The following STARD13 variants were observed in gnomAD, a reference collection of about 807,000 sequenced individuals.
STARD13 encodes stAR-related lipid transfer protein 13.
A neutral mutation model predicts 106.4 loss-of-function variants in STARD13; 62 were observed. The ratio of observed to expected loss-of-function variants is 0.58; its 90% CI spans 0.48 to 0.72. The LOEUF is 0.72. Ranked by LOEUF, STARD13 falls within the 30% of genes least tolerant of loss-of-function variation. STARD13 has a pLI of 0.00. For synonymous variants in STARD13, 565 were observed against 553.0 expected (o/e 1.02, Z -0.31); for missense variants, 1,387 against 1,424.0 (o/e 0.97, Z 0.42).
the STARD13 span, among the ~76,000 whole-genome samples, chr13:33,531,797 G>A: frequency 6.6e-6 from 1 of 152,034 alleles, no homozygotes; most frequent in African/African-American, 2.4e-5. Context: ...TATTACATCT[G>A]TATCTTTTTT....
chr13:33,211,831 G>GTA (rs1555248565), intron 1 of STARD13, among the ~76,000 whole-genome samples: 6 of 93,726 alleles, frequency 6.4e-5, no homozygotes, highest in African/African-American at 1.5e-4. Flanking sequence ...GTGTGTATGT[G>GTA]TGTGTGTGTG....
At chr13:33,569,314 A>G in the STARD13 span, among the ~76,000 whole-genome samples, 1 of 148,038 alleles carries the variant, frequency 6.8e-6, no homozygotes, top group South Asian at 2.2e-4. Context: ...GTTTGGCAAT[A>G]TTGAATATGA....
the STARD13 span, chr13:33,439,830 C>A: frequency 4.4e-6 from 2 of 456,614 alleles, no homozygotes; most frequent in Admixed American, 3.9e-5. Context: ...AATCAAATGG[C>A]CTCCAGAAAT....
the STARD13 span, among the ~76,000 whole-genome samples, chr13:33,440,868 G>A: frequency 9.1e-5 from 13 of 143,054 alleles, no homozygotes; most frequent in East Asian, 8.5e-4. Context: ...CGCCCACCTC[G>A]GCCTCTCAAA....
chr13:33,129,851 T>C lies in STARD13; in HGVS notation c.826A>G (p.Lys276Glu), dbSNP rs753174389. Residue 276 changes from lysine (K) to glutamate (E), a missense_variant, in exon 5 of 14, where the codon AAG becomes GAG. Lys to Glu is a moderately conservative substitution (Grantham distance 56). Transcript: ENST00000336934. ...AGGCCACCTGTCCGCCCAGACCCCTTATGCCTCCCGTGGGCTCCCTTCCCT... is the reference window on the plus strand; with the variant it reads ...AGGCCACCTGTCCGCCCAGACCCCTCATGCCTCCCGTGGGCTCCCTTCCCT... ...LRGKGAHGRH[K>E]GSGRTGGLVI... 1 of 1,613,002 alleles carries C rather than the reference T, an allele frequency of 6.2e-7. No homozygotes were observed. Among genetic ancestry groups the C allele is most frequent in the African/African-American group, 1.3e-5 (1 of 75,052 alleles).
downstream of STARD13, among the ~76,000 whole-genome samples, chr13:33,347,807 T>A (rs747817893): frequency 6.6e-6 from 1 of 152,222 alleles, no homozygotes; most frequent in Non-Finnish European, 1.5e-5. Context: ...TGTAAAGTGA[T>A]GCGTGCTGTG....
the STARD13 span, among the ~76,000 whole-genome samples, chr13:33,625,052 C>A: frequency 1.3e-5 from 2 of 152,280 alleles, no homozygotes; most frequent in South Asian, 4.1e-4. Context: ...GCAGCAGTGG[C>A]AGTTCTTTTG....
At chr13:33,320,621 C>T (rs1051143137) in intron 1 of STARD13, among the ~76,000 whole-genome samples, 4 of 152,138 alleles carry the variant, frequency 2.6e-5, no homozygotes, top group South Asian at 2.1e-4. Flanking sequence ...AGATTATATA[C>T]CTTATGTATA....
chr13:33,237,134 A>C (rs1313119488), intron 1 of STARD13, among the ~76,000 whole-genome samples: 1 of 152,146 alleles, frequency 6.6e-6, no homozygotes, highest in East Asian at 1.9e-4. Flanking sequence ...CAAGGAATTC[A>C]GCTTTCTCCT....
At chr13:33,632,474 T>C in the STARD13 span, among the ~76,000 whole-genome samples, 1 of 152,224 alleles carries the variant, frequency 6.6e-6, no homozygotes, top group African/African-American at 2.4e-5. Flanking sequence ...CTTTCCACTA[T>C]GTCTATATTG....
the STARD13 span, among the ~76,000 whole-genome samples, chr13:33,642,862 C>T: frequency 6.6e-6 from 1 of 151,222 alleles, no homozygotes; most frequent in Non-Finnish European, 1.5e-5. Context: ...AAAAAAACCT[C>T]CCTACTTGCT....
At chr13:33,539,228 T>C in the STARD13 span, among the ~76,000 whole-genome samples, 1 of 152,238 alleles carries the variant, frequency 6.6e-6, no homozygotes, top group Non-Finnish European at 1.5e-5. Context: ...GTGCAATACC[T>C]GTATGCTGAA....
Position 33,129,314 on chromosome 13 carries a change from G to T in STARD13, c.1363C>A (p.Arg455=). The change falls in exon 5 of 14, where the codon CGA becomes AGA. Residue 455 remains arginine, a synonymous_variant. Coordinates refer to ENST00000336934, the MANE Select transcript of STARD13 (RefSeq NM_178006.4). ...RLMASCHRAS[R]VSIYDNVPGS... is the part of the protein sequence containing the mutation. ...GGGACATTGTCATAGATACTGACTC[G>T]GCTGGCTCTGTGGCAGGACGCCATG... The T allele has an allele frequency of 2.5e-6, 4 of 1,614,116 alleles. No individual in the cohort carries two copies. Among genetic ancestry groups the T allele is most frequent in the Non-Finnish European group, 3.4e-6 (4 of 1,180,026 alleles).
At chr13:33,361,160 C>T in the STARD13 span, among the ~76,000 whole-genome samples, 4 of 150,854 alleles carry the variant, frequency 2.7e-5, no homozygotes, top group Non-Finnish European at 4.4e-5. Context: ...CTTCCACCTC[C>T]TCTGCTTCTT....
chr13:33,149,666 T>G (rs1881009050), intron 3 of STARD13, among the ~76,000 whole-genome samples: 1 of 152,238 alleles, frequency 6.6e-6, no homozygotes, highest in South Asian at 2.1e-4. Flanking sequence ...CGGTATAGCA[T>G]TGGCCTGTGA....
intron 1 of STARD13, among the ~76,000 whole-genome samples, chr13:33,191,751 C>T (rs2138506108): frequency 6.6e-6 from 1 of 152,272 alleles, no homozygotes; most frequent in South Asian, 2.1e-4. Context: ...TGTCTTTGTC[C>T]CTGACATCAA....
the STARD13 span, among the ~76,000 whole-genome samples, chr13:33,470,529 C>T: frequency 6.6e-6 from 1 of 152,248 alleles, no homozygotes; most frequent in Non-Finnish European, 1.5e-5. Flanking sequence ...AACTAATTTA[C>T]ACTCTCACCA....
upstream of STARD13, among the ~76,000 whole-genome samples, chr13:33,286,946 A>G (rs1167791502): frequency 1.3e-5 from 2 of 152,120 alleles, no homozygotes; most frequent in African/African-American, 4.8e-5. Context: ...ATATATGTAT[A>G]TGTCATTATA....
the STARD13 span, among the ~76,000 whole-genome samples, chr13:33,602,645 T>C: frequency 2.6e-5 from 4 of 152,176 alleles, no homozygotes; most frequent in African/African-American, 9.7e-5. Context: ...CCTGGGGCCA[T>C]GGACCGGTCT....
Sources: allele counts gnomAD v4.1 joint callset (sites outside exome capture counted in the v4.1 genomes callset), GRCh38; gene constraint gnomAD v4.1.1; transcripts MANE v1.5; gene names NCBI Gene and HGNC (gene_info 2026-07-23, HGNC 2026-07-21).